FKTN: variants seen among roughly 807,000 people sequenced by gnomAD.
FKTN encodes ribitol-5-phosphate transferase FKTN.
Under a neutral mutation model 58.6 loss-of-function variants are expected in FKTN, and 47 were observed. The observed-to-expected ratio is 0.80, with a 90% CI of 0.63 to 1.02. The LOEUF is 1.02. FKTN is among the 50% of genes least tolerant of loss of function. The pLI, the probability that FKTN is intolerant of heterozygous loss-of-function variation, is 0.00. For synonymous variants in FKTN, 178 were observed against 191.9 expected, an observed-to-expected ratio of 0.93 and a Z score of 0.60; for missense variants, 516 against 537.3, an observed-to-expected ratio of 0.96 and a Z score of 0.39.
intron 10 of FKTN, 56 bp downstream of exon 10, chr9:105,620,117 G>T: frequency 6.8e-7 from 1 of 1,475,602 alleles, no homozygotes; most frequent in South Asian, 1.2e-5. Flanking sequence ...ATTTCAGGAG[G>T]TAGAAATAAA....
chr9:105,624,810 A>C (rs944596587), intron 10 of FKTN, among the ~76,000 whole-genome samples: 30 of 152,214 alleles, frequency 2.0e-4, no homozygotes, highest in Middle Eastern at 3.4e-3. Context: ...CTTATTATAT[A>C]GAGACTTTTA....
At chr9:105,579,617 T>TG (rs1186229085) in intron 3 of FKTN, among the ~76,000 whole-genome samples, 1 of 149,340 alleles carries the variant, frequency 6.7e-6, no homozygotes, top group Non-Finnish European at 1.5e-5. Flanking sequence ...AGGTGTGGTG[T>TG]GGTGCTGAAA....
At position 105,635,907 on chromosome 9, in the gene FKTN, T is replaced by G. The variant is rs1287692840; in HGVS notation, c.*643T>G. ...TTATTACTTGTCAGGATAAGTAAAT[T>G]TCTGTACATGTACTGTTTTCATATG... On this transcript the variant is annotated 3_prime_UTR_variant, in exon 11 of 11. Transcript: ENST00000357998. 1.3e-5 allele frequency: 13 copies of G among 989,620 alleles called. No individual in the cohort carries two copies. The highest frequency in any genetic ancestry group is 1.6e-5 in the Non-Finnish European group (13 of 832,314). The allele number at this position is 989,620 out of a possible 1,614,324, so 61.3% of individuals were successfully genotyped here.
chr9:105,627,224 G>A (rs1034584091), intron 10 of FKTN, among the ~76,000 whole-genome samples: 8 of 151,838 alleles, frequency 5.3e-5, no homozygotes, highest in African/African-American at 1.2e-4. Flanking sequence ...TGCCCTCCTC[G>A]GCCTCCTAAA....
Position 105,636,962 on chromosome 9 carries a change from A to G in FKTN, c.*1698A>G. ...AATTATTGGGTCTTTCATAAATAAC[A>G]TGAGTGGTTTCTGGAGACATTTAAG... On this transcript the variant is annotated 3_prime_UTR_variant, in exon 11 of 11. Transcript: ENST00000357998. The G allele has an allele frequency of 9.7e-7, 1 of 1,026,820 alleles. No individual in the cohort carries two copies. 63.6% of individuals were successfully genotyped at this position (1,026,820 alleles called of 1,614,324 possible).
chr9:105,604,896 T>C (rs372397580), intron 6 of FKTN, among the ~76,000 whole-genome samples: 41 of 150,088 alleles, frequency 2.7e-4, no homozygotes, highest in East Asian at 2.0e-3. Context: ...GTGGAGGTTG[T>C]AGTGAGCCGA....
At chr9:105,583,385 C>T (rs1476670138) in intron 3 of FKTN, among the ~76,000 whole-genome samples, 1 of 152,108 alleles carries the variant, frequency 6.6e-6, no homozygotes, top group African/African-American at 2.4e-5. Flanking sequence ...TACCCCAAAA[C>T]CTCATTCATT....
chr9:105,620,032 C>T lies in FKTN; in HGVS notation c.1143C>T (p.Gly381=). The T allele has an allele frequency of 1.2e-6, 2 of 1,611,650 alleles. No individual in the cohort carries two copies. Among genetic ancestry groups the T allele is most frequent in the Non-Finnish European group, 8.5e-7 (1 of 1,178,306 alleles). Reference sequence around the variant, plus strand: ...AAACTGATCACATGTGGAATGGAGGCACTCAGGCCAAAACAGGAAAAAAAT... The same window carrying T: ...AAACTGATCACATGTGGAATGGAGGTACTCAGGCCAAAACAGGAAAAAAAT... ...YEETDHMWNG[G]TQAKTGKKFK... Residue 381 remains glycine, a synonymous_variant, in exon 10 of 11, where the codon GGC becomes GGT. Coordinates refer to ENST00000357998, the MANE Select transcript of FKTN (RefSeq NM_001079802.2).
At chr9:105,620,775 A>ATAGTAGTAGTAG (rs58977246) in intron 10 of FKTN, among the ~76,000 whole-genome samples, 3,660 of 145,392 alleles carry the variant, frequency 0.025, 56 homozygotes, top group Admixed American at 0.046. Flanking sequence ...TAATACTACT[A>ATAGTAGTAGTAG]TAGTAGTAGT....
chr9:105,561,018 G>A (rs764288356), intron 1 of FKTN, among the ~76,000 whole-genome samples: 11 of 152,100 alleles, frequency 7.2e-5, no homozygotes, highest in East Asian at 1.9e-4. Context: ...ACCTGGGAGC[G>A]GAGGTTGCAG....
intron 2 of FKTN, 77 bp downstream of exon 2, chr9:105,573,823 T>C (rs968232838): frequency 6.6e-6 from 1 of 152,188 alleles, no homozygotes; most frequent in African/African-American, 2.4e-5. Context: ...AAATCAGATA[T>C]TGTCAAGGGA....
Position 105,602,891 on chromosome 9 carries a change from T to A in FKTN, c.370-1324T>A, listed in dbSNP as rs143939516. Among the ~76,000 whole-genome samples the A allele has an allele frequency of 9.2e-4, 140 of 152,302 alleles. 1 individual carries two copies. In the East Asian group the frequency reaches 0.026, roughly 28 times the overall value. On this transcript the variant is annotated intron_variant, in intron 5 of 10. Coordinates refer to ENST00000357998, the MANE Select transcript of FKTN (RefSeq NM_001079802.2). The stretch of plus-strand genomic sequence containing the variant: ...TCAAGAGCCCTTGGATAGTCCCCCC[T>A]AAAACATCCCCCAATGTGGAGCTAA...
chr9:105,615,136 G>A, intron 7 of FKTN, 142 bp from the exon 8 acceptor site: 2 of 830,956 alleles, frequency 2.4e-6, no homozygotes, highest in South Asian at 1.4e-5. Flanking sequence ...CACCTGCCTT[G>A]GCTTCCCAAA....
At chr9:105,604,189 G>A in intron 5 of FKTN, 26 bp from the exon 6 acceptor site, 1 of 1,610,622 alleles carries the variant, frequency 6.2e-7, no homozygotes, top group East Asian at 2.2e-5. Context: ...GTTGTTTCTT[G>A]ATGTTTGATG....
Position 105,623,412 on chromosome 9 carries a change from C to G in FKTN, c.1172+3351C>G, listed in dbSNP as rs192724700. 2.9e-3 allele frequency among the ~76,000 whole-genome samples: 444 copies of G among 152,164 alleles called. 3 individuals carry two copies. The highest frequency in any genetic ancestry group is 9.9e-3 in the African/African-American group (411 of 41,520). ...ACCTAGGTGTGTATCACTTCAGAGC[C>G]CATGTTCTTACTAAGTTAGTGTCAC... On this transcript the variant is annotated intron_variant, in intron 10 of 10. Coordinates refer to ENST00000357998, the MANE Select transcript of FKTN (RefSeq NM_001079802.2).
chr9:105,603,396 T>G (rs1266052297), intron 5 of FKTN, among the ~76,000 whole-genome samples: 1 of 152,216 alleles, frequency 6.6e-6, no homozygotes, highest in Non-Finnish European at 1.5e-5. Flanking sequence ...ATGAACCTTG[T>G]CTTACAGTAT....
intron 1 of FKTN, among the ~76,000 whole-genome samples, chr9:105,567,254 C>G (rs1034770320): frequency 6.6e-6 from 1 of 152,194 alleles, no homozygotes; most frequent in African/African-American, 2.4e-5. Flanking sequence ...GGGATGCCCT[C>G]TCTCACCACT....
chr9:105,581,752 G>C (rs1370657916), intron 3 of FKTN, among the ~76,000 whole-genome samples: 1 of 152,162 alleles, frequency 6.6e-6, no homozygotes, highest in Non-Finnish European at 1.5e-5. Context: ...AATGGCGGGC[G>C]CCCCTCCCCC....
chr9:105,609,976 A>T (rs1028765021), intron 7 of FKTN, among the ~76,000 whole-genome samples: 1 of 152,180 alleles, frequency 6.6e-6, no homozygotes, highest in African/African-American at 2.4e-5. Flanking sequence ...GTTCATATCA[A>T]TATAAATAAA....
Sources: allele counts gnomAD v4.1 joint callset (sites outside exome capture counted in the v4.1 genomes callset), GRCh38; gene constraint gnomAD v4.1.1; transcripts MANE v1.5; gene names NCBI Gene and HGNC (gene_info 2026-07-23, HGNC 2026-07-21).